The following SP100 variants were observed in gnomAD, a reference collection of about 807,000 sequenced individuals.
The protein encoded by SP100 is SP100 nuclear body protein.
SP100 carries 84 observed loss-of-function variants against 130.0 expected under a neutral mutation model. The observed-to-expected ratio is 0.65, with a 90% confidence interval of 0.54 to 0.77. The LOEUF (loss-of-function observed/expected upper bound fraction) is 0.77. SP100 is among the 30% of genes least tolerant of loss of function. The probability of loss-of-function intolerance (pLI) is 0.00; values close to 1 mark genes in which losing one functional copy is unlikely to be tolerated. For synonymous variants in SP100, 331 were observed against 351.7 expected, an observed-to-expected ratio of 0.94 and a Z score of 0.66; for missense variants, 978 against 1,052.2, an observed-to-expected ratio of 0.93 and a Z score of 0.97.
chr2:230,444,542 A>G (rs981008671), intron 4 of SP100, among the ~76,000 whole-genome samples, 196 bp downstream of exon 4: 1 of 152,154 alleles, frequency 6.6e-6, no homozygotes, highest in African/African-American at 2.4e-5. Flanking sequence ...GGTCTGCTTC[A>G]CTGGCCACTT....
At chr2:230,434,933 C>T (rs966510681) in intron 2 of SP100, among the ~76,000 whole-genome samples, 1 of 152,184 alleles carries the variant, frequency 6.6e-6, no homozygotes, top group Non-Finnish European at 1.5e-5. Flanking sequence ...AAGGATCTGG[C>T]TTTCACTCAT....
intron 4 of SP100, 63 bp downstream of exon 4, chr2:230,444,409 T>TGATC: frequency 1.5e-6 from 2 of 1,290,772 alleles, no homozygotes; most frequent in Non-Finnish European, 2.2e-6. Flanking sequence ...AAGTATATAC[T>TGATC]GATCTCCTAC....
chr2:230,500,715 C>G (rs1310079937), intron 19 of SP100, among the ~76,000 whole-genome samples: 2 of 152,054 alleles, frequency 1.3e-5, no homozygotes, highest in Non-Finnish European at 2.9e-5. Context: ...CCTGGGTGCA[C>G]CTGCAACTTG....
At chr2:230,504,970 T>G (rs1689965270) in intron 21 of SP100, among the ~76,000 whole-genome samples, 2 of 152,106 alleles carry the variant, frequency 1.3e-5, no homozygotes, top group Non-Finnish European at 2.9e-5. Flanking sequence ...ATAAGAGGGA[T>G]TTATCTCTAA....
chr2:230,450,242 C>T lies in SP100; in HGVS notation c.807C>T (p.Pro269=). The change falls in exon 8 of 29, where the codon CCC becomes CCT. Residue 269 remains proline, a synonymous_variant. Coordinates refer to ENST00000340126, the MANE Select transcript of SP100 (RefSeq NM_001080391.2). The part of the protein sequence containing the change: ...DAGREMPCPL[P]CDEESPEAEL... ...GAAGGGAGATGCCCTGCCCGTTGCC[C>T]TGTGATGAAGAAAGTAATTATTGCT... 1 of 1,612,776 alleles carries T rather than the reference C, an allele frequency of 6.2e-7. No individual in the cohort carries two copies. The highest frequency in any genetic ancestry group is 8.5e-7 in the Non-Finnish European group (1 of 1,178,968).
At chr2:230,530,106 G>A (rs888459085) in intron 24 of SP100, among the ~76,000 whole-genome samples, 3 of 152,104 alleles carry the variant, frequency 2.0e-5, no homozygotes, top group Non-Finnish European at 4.4e-5. Flanking sequence ...AACCAAAAAT[G>A]AGCCCACATA....
In SP100 at chr2:230,506,321, T is replaced by C. The variant is rs1462308315; in HGVS notation, c.1889T>C (p.Ile630Thr). 1.2e-6 allele frequency: 2 copies of C among 1,613,696 alleles called. No individual in the cohort carries two copies. The highest frequency in any genetic ancestry group is 3.3e-5 in the Admixed American group (2 of 59,982). ...RFKQGTSKKCIQSEDKKWFTP... is the reference protein window; with the variant it reads ...RFKQGTSKKCTQSEDKKWFTP... ...CTTACAGGAACCTCAAAGAAGTGTATACAGAGTGAGGATAAAAAGTGGTTC... is the reference window on the plus strand; with the variant it reads ...CTTACAGGAACCTCAAAGAAGTGTACACAGAGTGAGGATAAAAAGTGGTTC... Residue 630 changes from isoleucine (I) to threonine (T), a missense_variant, in exon 22 of 29, where the codon ATA (isoleucine) becomes ACA (threonine). Transcript: ENST00000340126.
At chr2:230,475,994 T>G (rs905968519) in intron 17 of SP100, among the ~76,000 whole-genome samples, 11 of 152,232 alleles carry the variant, frequency 7.2e-5, no homozygotes, top group African/African-American at 2.7e-4. Context: ...TTGTTCTTTT[T>G]GTTTACAATT....
At chr2:230,503,030 T>C (rs1323202460) in intron 19 of SP100, 36 bp from the exon 20 acceptor site, 3 of 1,511,952 alleles carry the variant, frequency 2.0e-6, no homozygotes, top group East Asian at 2.3e-5. Context: ...ATTTGCAATG[T>C]AAAGAGACAT....
At position 230,479,597 on chromosome 2, in the gene SP100, G is replaced by A. The variant is rs940277840; in HGVS notation, c.1600+5150G>A. On this transcript the variant is annotated intron_variant, in intron 17 of 28. Coordinates refer to ENST00000340126, the MANE Select transcript of SP100 (RefSeq NM_001080391.2). Reference sequence around the variant, plus strand: ...CTTCAGGGTACCTGTTTTGGGTTAGGACGTACAAACAGGCTTCAAAACTGT... The same window carrying A: ...CTTCAGGGTACCTGTTTTGGGTTAGAACGTACAAACAGGCTTCAAAACTGT... 5.3e-5 allele frequency among the ~76,000 whole-genome samples: 8 copies of A among 152,144 alleles called. No homozygotes were observed. The South Asian group carries it at 1.5e-3, about 28-fold the overall frequency.
intron 5 of SP100, among the ~76,000 whole-genome samples, chr2:230,447,153 G>A (rs769748623): frequency 2.0e-5 from 3 of 152,194 alleles, no homozygotes; most frequent in Non-Finnish European, 4.4e-5. Context: ...CTACCTAGAA[G>A]TAATTGTAAT....
At chr2:230,442,363 T>C (rs752243795) in intron 2 of SP100, among the ~76,000 whole-genome samples, 4 of 152,178 alleles carry the variant, frequency 2.6e-5, no homozygotes, top group Non-Finnish European at 5.9e-5. Flanking sequence ...AATCAGGCAT[T>C]CTAGGAGATA....
At chr2:230,466,380 G>T in intron 12 of SP100, 26 bp downstream of exon 12, 1 of 1,271,832 alleles carries the variant, frequency 7.9e-7, no homozygotes, top group Non-Finnish European at 1.1e-6. Flanking sequence ...AGGAAAAGAG[G>T]TAAGAGAAAA....
chr2:230,472,041 T>C (rs945254426), intron 15 of SP100, among the ~76,000 whole-genome samples: 2 of 152,092 alleles, frequency 1.3e-5, no homozygotes, highest in African/African-American at 4.8e-5. Flanking sequence ...ACAGCAGGCA[T>C]TTGGTGATGA....
At position 230,506,432 on chromosome 2, in the gene SP100, A is replaced by G. The variant is rs771841023; in HGVS notation, c.2000A>G (p.Lys667Arg). ...LSIRCGGYTL[K>R]VLMENKFLPE... ...ATACGCTGCGGTGGATATACCCTGAAAGTCCTGATGGAGGTATTCTAGTGA... is the reference window on the plus strand; with the variant it reads ...ATACGCTGCGGTGGATATACCCTGAGAGTCCTGATGGAGGTATTCTAGTGA... Residue 667 changes from lysine (K) to arginine (R), a missense_variant, in exon 22 of 29, where the codon AAA becomes AGA. Lys to Arg is a conservative substitution (Grantham distance 26). Transcript: ENST00000340126. 4.3e-6 allele frequency: 7 copies of G among 1,613,704 alleles called. No individual in the cohort carries two copies. The Admixed American group carries it at 1.0e-4, about 23-fold the overall frequency.
intron 17 of SP100, among the ~76,000 whole-genome samples, chr2:230,480,093 T>A (rs1369308029): frequency 6.6e-6 from 1 of 152,222 alleles, no homozygotes; most frequent in East Asian, 1.9e-4. Context: ...TCTGGTTTAC[T>A]TTTCCACAAA....
chr2:230,437,252 G>A (rs1005962699), intron 2 of SP100, among the ~76,000 whole-genome samples: 6 of 152,012 alleles, frequency 3.9e-5, no homozygotes, highest in Non-Finnish European at 8.8e-5. Context: ...GTATAAAATT[G>A]TAGAGACTTT....
chr2:230,477,741 C>A (rs1004025678), intron 17 of SP100, among the ~76,000 whole-genome samples: 4 of 152,154 alleles, frequency 2.6e-5, no homozygotes, highest in African/African-American at 9.7e-5. Flanking sequence ...TCTCTCCCAA[C>A]TCCTTCCCAA....
chr2:230,500,052 G>T (rs1191305941), intron 19 of SP100, among the ~76,000 whole-genome samples: 1 of 152,076 alleles, frequency 6.6e-6, no homozygotes, highest in African/African-American at 2.4e-5. Flanking sequence ...GGATGTTGAG[G>T]CTTCTGCTAA....
Sources: allele counts gnomAD v4.1 joint callset (sites outside exome capture counted in the v4.1 genomes callset), GRCh38; gene constraint gnomAD v4.1.1; transcripts MANE v1.5; gene names NCBI Gene and HGNC (gene_info 2026-07-23, HGNC 2026-07-21).